The following TMEM260 variants were observed in gnomAD, a reference collection of about 807,000 sequenced individuals.
TMEM260 encodes the protein protein O-mannosyl-transferase TMEM260.
Under a neutral mutation model 88.9 loss-of-function variants are expected in TMEM260, and 82 were observed. The observed-to-expected ratio is 0.92, with a 90% CI of 0.77 to 1.11. The LOEUF (loss-of-function observed/expected upper bound fraction) is 1.11, where lower values mean the gene tolerates loss of function less well. Ranked by LOEUF, TMEM260 falls within the 50% of genes least tolerant of loss-of-function variation. TMEM260 has a pLI of 0.00. For missense variants in TMEM260, 902 were observed against 853.4 expected (o/e 1.06, Z -0.71); for synonymous variants, 314 against 309.3 (o/e 1.02, Z -0.16).
intron 10 of TMEM260, among the ~76,000 whole-genome samples, chr14:56,621,081 T>C (rs1162959713): frequency 6.6e-6 from 1 of 152,152 alleles, no homozygotes; most frequent in Non-Finnish European, 1.5e-5. Flanking sequence ...AACCTCTGCA[T>C]GCAAGAAAAT....
rs964822292 is a variant in TMEM260 at position 56,603,881 on chromosome 14, G to A, written c.411G>A (p.Trp137Ter). 6 of 1,613,926 alleles carry A rather than the reference G, an allele frequency of 3.7e-6. No individual in the cohort carries two copies. The highest frequency in any genetic ancestry group is 1.7e-5 in the Admixed American group (1 of 60,010). Reference protein sequence around the residue: ...AGVFSFSRLTWQWSIAAEVFS... With the variant: ...AGVFSFSRLT ...TGTTTTCATTTTCTCGTCTAACATG[G>A]CAGTGGTCCATTGCAGCAGAGGTTT... is the stretch of plus-strand genomic sequence containing the variant. The change falls in exon 4 of 16, where the codon TGG (tryptophan) becomes TGA (stop). Residue 137 changes from tryptophan (W) to a stop codon, truncating the protein, a stop_gained. Transcript: ENST00000261556. LOFTEE classifies it high-confidence loss of function.
chr14:56,639,710 G>GGGGCAGGGAATT (rs1889421163), intron 15 of TMEM260, among the ~76,000 whole-genome samples: 1 of 152,226 alleles, frequency 6.6e-6, no homozygotes, highest in South Asian at 2.1e-4. Context: ...GAAGCGCAAG[G>GGGGCAGGGAATT]GGGCAGGGAA....
At chr14:56,617,088 A>G (rs1275682927) in intron 8 of TMEM260, 95 bp from the exon 9 acceptor site, 1 of 694,858 alleles carries the variant, frequency 1.4e-6, no homozygotes, top group Non-Finnish European at 2.1e-6. Context: ...AAAAATGGAA[A>G]GTTTTTATAG....
intron 7 of TMEM260, chr14:56,613,043 C>T (rs1231599922): frequency 6.6e-6 from 1 of 152,070 alleles, no homozygotes; most frequent in Non-Finnish European, 1.5e-5. Context: ...TTAGAGCTGG[C>T]TTAAGCAAAT....
downstream of TMEM260, among the ~76,000 whole-genome samples, chr14:56,650,864 T>G (rs1268605927): frequency 6.6e-6 from 1 of 152,176 alleles, no homozygotes; most frequent in Non-Finnish European, 1.5e-5. Context: ...AGGAAAAATT[T>G]TATACCAAAG....
chr14:56,584,927 A>G, intron 1 of TMEM260, 74 bp from the exon 2 acceptor site: 1 of 1,261,658 alleles, frequency 7.9e-7, no homozygotes, highest in South Asian at 1.3e-5. Flanking sequence ...CAATGCAAGC[A>G]TTTGGATTTT....
chr14:56,621,725 T>G, intron 11 of TMEM260, 23 bp downstream of exon 11: 1 of 1,580,388 alleles, frequency 6.3e-7, no homozygotes. Flanking sequence ...AAAATATACT[T>G]AGAATATAGC....
chr14:56,623,052 C>T (rs1888031363), intron 11 of TMEM260, among the ~76,000 whole-genome samples: 1 of 152,178 alleles, frequency 6.6e-6, no homozygotes, highest in African/African-American at 2.4e-5. Flanking sequence ...AACTCAAGTC[C>T]TCATTCTGTC....
At chr14:56,590,585 C>A (rs1386802654) in intron 3 of TMEM260, among the ~76,000 whole-genome samples, 1 of 152,200 alleles carries the variant, frequency 6.6e-6, no homozygotes, top group Non-Finnish European at 1.5e-5. Context: ...CATAGACTTT[C>A]TTGATTTACT....
At chr14:56,661,946 CA>C in the TMEM260 span, among the ~76,000 whole-genome samples, 4 of 152,136 alleles carry the variant, frequency 2.6e-5, no homozygotes, top group Admixed American at 2.0e-4. Context: ...AAGGTTGTGA[CA>C]GAAGAATTAG....
downstream of TMEM260, among the ~76,000 whole-genome samples, chr14:56,650,773 AAAAGTGAAATATTGT>A (rs376769746): frequency 3.3e-5 from 5 of 152,156 alleles, no homozygotes; most frequent in African/African-American, 1.2e-4. Flanking sequence ...TTTATGTTTT[AAAAGTGAAATATTGT>A]GAATCTTTCA....
chr14:56,589,888 C>T lies in TMEM260; in HGVS notation c.344+3976C>T, dbSNP rs1885743821. Among the ~76,000 whole-genome samples the T allele has an allele frequency of 2.0e-5, 3 of 152,136 alleles. No individual in the cohort carries two copies. In the South Asian group the frequency reaches 6.2e-4, roughly 31 times the overall value. On this transcript the variant is annotated intron_variant, in intron 3 of 15. Transcript: ENST00000261556. ...CAATAAAGAATAGAAAATTAAAATA[C>T]CATACCTTAGAGAATGCGGAATCTC...
At chr14:56,593,987 G>A (rs993524194) in intron 3 of TMEM260, among the ~76,000 whole-genome samples, 4 of 152,064 alleles carry the variant, frequency 2.6e-5, no homozygotes, top group Admixed American at 6.6e-5. Flanking sequence ...GCGCCCGGCC[G>A]TGAGTGTCTT....
At chr14:56,627,783 TA>T (rs1190582920) in intron 12 of TMEM260, among the ~76,000 whole-genome samples, 1 of 152,206 alleles carries the variant, frequency 6.6e-6, no homozygotes, top group Non-Finnish European at 1.5e-5. Flanking sequence ...CTTTTCTTGT[TA>T]GGGGGTGTGG....
chr14:56,625,426 G>A lies in TMEM260; in HGVS notation c.1443G>A (p.Leu481=), dbSNP rs554740348. 2 of 1,613,926 alleles carry A rather than the reference G, an allele frequency of 1.2e-6. No homozygotes were observed. The highest frequency in any genetic ancestry group is 4.5e-5 in the East Asian group (2 of 44,862). The change falls in exon 12 of 16, where the codon TTG becomes TTA. Residue 481 remains leucine (L), a synonymous_variant. Transcript: ENST00000261556. The part of the protein sequence containing the change: ...EWYLPKMAKH[L]PGVNFPGNRW... ...ATTTACCCAAGATGGCAAAGCACTTGCCAGGTGTCAACTTTCCTGGGAACC... is the reference window on the plus strand; with the variant it reads ...ATTTACCCAAGATGGCAAAGCACTTACCAGGTGTCAACTTTCCTGGGAACC...
In TMEM260 at chr14:56,632,976, ATTTTTCTGTTTCC is replaced by A; in HGVS notation, c.1548-18_1548-6del. The A allele has an allele frequency of 1.2e-6, 2 of 1,604,116 alleles. No individual in the cohort carries two copies. The highest frequency in any genetic ancestry group is 1.7e-6 in the Non-Finnish European group (2 of 1,172,778). On this transcript the variant is annotated splice_polypyrimidine_tract_variant and splice_region_variant and intron_variant, in intron 12 of 15. Coordinates refer to ENST00000261556, the MANE Select transcript of TMEM260 (RefSeq NM_017799.4). ...ACTTTAAATTTTAAGTACATCATGTATTTTTCTGTTTCCAACAGAAAAGAAACATTTGTTTGCA... is the reference window on the plus strand; with the variant it reads ...ACTTTAAATTTTAAGTACATCATGTAAACAGAAAAGAAACATTTGTTTGCA...
chr14:56,600,711 C>T (rs529945015), intron 3 of TMEM260, among the ~76,000 whole-genome samples: 1 of 152,148 alleles, frequency 6.6e-6, no homozygotes, highest in Non-Finnish European at 1.5e-5. Context: ...AAATCAGACT[C>T]TCATACACTG....
At chr14:56,618,172 G>C (rs1259767740) in intron 9 of TMEM260, among the ~76,000 whole-genome samples, 3 of 152,164 alleles carry the variant, frequency 2.0e-5, no homozygotes, top group Non-Finnish European at 4.4e-5. Context: ...CCCAGTCCCA[G>C]CTCCCAAACT....
At chr14:56,636,341 A>ATTGT (rs1447000419) in intron 14 of TMEM260, among the ~76,000 whole-genome samples, 167 bp from the exon 15 acceptor site, 1 of 151,750 alleles carries the variant, frequency 6.6e-6, no homozygotes, top group East Asian at 1.9e-4. Context: ...GGGTGGAGGG[A>ATTGT]TTGTTGTTGG....
Sources: allele counts gnomAD v4.1 joint callset (sites outside exome capture counted in the v4.1 genomes callset), GRCh38; gene constraint gnomAD v4.1.1; transcripts MANE v1.5; gene names NCBI Gene and HGNC (gene_info 2026-07-23, HGNC 2026-07-21).